Variants in YLPM1 observed in about 807,000 individuals in gnomAD.
YLPM1 encodes the protein YLP motif-containing protein 1.
In YLPM1, 99 loss-of-function variants were observed where a neutral mutation model predicts 230.0. The observed-to-expected ratio is 0.43, with a 90% CI of 0.37 to 0.51. The LOEUF is 0.51. YLPM1 is among the 20% of genes least tolerant of loss of function. The pLI is 0.00. For missense variants in YLPM1, 2,592 were observed against 2,707.7 expected (o/e 0.96, Z 0.95); for synonymous variants, 984 against 942.5 (o/e 1.04, Z -0.81).
intron 14 of YLPM1, 34 bp from the exon 15 acceptor site, chr14:74,817,160 T>C (rs755891275): frequency 1.6e-5 from 25 of 1,594,112 alleles, no homozygotes; most frequent in Non-Finnish European, 1.9e-5. Flanking sequence ...AAATGTTATA[T>C]ATCTTTGCCT....
chr14:74,833,489 G>A (rs1349218745), intron 19 of YLPM1, among the ~76,000 whole-genome samples: 1 of 152,198 alleles, frequency 6.6e-6, no homozygotes, highest in East Asian at 1.9e-4. Flanking sequence ...CTAGGCTGAC[G>A]TGATCTGCCG....
chr14:74,808,210 G>A (rs138395167), intron 6 of YLPM1, among the ~76,000 whole-genome samples: 1 of 152,260 alleles, frequency 6.6e-6, no homozygotes, highest in East Asian at 1.9e-4. Context: ...GCCTTTCTGG[G>A]CATTTTGTAT....
rs1029207812 is a variant in YLPM1 at position 74,798,191 on chromosome 14, T to C, written c.2894T>C (p.Met965Thr). The C allele has an allele frequency of 3.8e-5, 61 of 1,613,800 alleles. No individual in the cohort carries two copies. The highest frequency in any genetic ancestry group is 5.0e-5 in the Non-Finnish European group (59 of 1,179,866). Residue 965 changes from methionine (M) to threonine (T), a missense_variant, in exon 5 of 21, where the codon ATG (methionine) becomes ACG (threonine). Coordinates refer to ENST00000325680, the MANE Select transcript of YLPM1 (RefSeq NM_019589.3). ...ACTTTTCCTTCAAAAACAGGGGGGA[T>C]GGAGGGAGGAACAGCAGTAGCAACA... ...QSTFPSKTGG[M>T]EGGTAVATSS...
intron 18 of YLPM1, among the ~76,000 whole-genome samples, chr14:74,827,003 G>A (rs181332521): frequency 1.1e-4 from 16 of 152,064 alleles, no homozygotes; most frequent in Non-Finnish European, 1.9e-4. Context: ...GTTGTATATT[G>A]GTTTTCTACA....
intron 4 of YLPM1, among the ~76,000 whole-genome samples, chr14:74,788,689 A>G (rs1210158508): frequency 3.3e-5 from 5 of 152,116 alleles, no homozygotes; most frequent in Admixed American, 6.5e-5. Flanking sequence ...ACAAAAAGTA[A>G]AAAATTAGCC....
chr14:74,781,251 G>A (rs1473668544), intron 3 of YLPM1, 83 bp from the exon 4 acceptor site: 3 of 1,402,164 alleles, frequency 2.1e-6, no homozygotes, highest in African/African-American at 1.5e-5. Flanking sequence ...AGCGTCAAAT[G>A]CCCTTGATTC....
At chr14:74,814,908 G>A (rs996059253) in intron 11 of YLPM1, among the ~76,000 whole-genome samples, 3 of 152,166 alleles carry the variant, frequency 2.0e-5, no homozygotes, top group Admixed American at 2.0e-4. Context: ...CTTGTTATAG[G>A]TCTATTCAGA....
intron 4 of YLPM1, among the ~76,000 whole-genome samples, chr14:74,784,173 A>G (rs936676602): frequency 1.3e-5 from 2 of 152,112 alleles, no homozygotes; most frequent in African/African-American, 2.4e-5. Context: ...TGAAACATAC[A>G]TTTCCTGCTC....
chr14:74,814,259 G>T (rs1287783397), intron 11 of YLPM1, among the ~76,000 whole-genome samples: 1 of 152,162 alleles, frequency 6.6e-6, no homozygotes, highest in East Asian at 1.9e-4. Flanking sequence ...TACTCAGGAG[G>T]CTAAGGCAGG....
At chr14:74,809,135 C>T (rs1450543208) in intron 6 of YLPM1, among the ~76,000 whole-genome samples, 1 of 149,952 alleles carries the variant, frequency 6.7e-6, no homozygotes, top group Non-Finnish European at 1.5e-5. Context: ...TTTGTCTTAC[C>T]GAGTTTAAGT....
chr14:74,801,413 G>C (rs1327685781), intron 5 of YLPM1, among the ~76,000 whole-genome samples: 16 of 152,128 alleles, frequency 1.1e-4, no homozygotes, highest in Admixed American at 1.0e-3. Context: ...ATTGTAAAAG[G>C]TCTTAAGAAA....
chr14:74,829,468 TG>T (rs2091591719), intron 19 of YLPM1, 125 bp downstream of exon 19: 1 of 1,341,676 alleles, frequency 7.5e-7, no homozygotes, highest in African/African-American at 1.5e-5. Flanking sequence ...CGCTATGTCA[TG>T]TATCCCAAGA....
At chr14:74,835,742 T>C (rs1276752686) in intron 20 of YLPM1, 33 bp from the exon 21 acceptor site, 8 of 426,378 alleles carry the variant, frequency 1.9e-5, no homozygotes, top group Non-Finnish European at 3.2e-5. Flanking sequence ...GCCTGTTCTT[T>C]CCAGGTGTGA....
At chr14:74,788,605 G>T (rs1354731672) in intron 4 of YLPM1, among the ~76,000 whole-genome samples, 1 of 152,178 alleles carries the variant, frequency 6.6e-6, no homozygotes, top group Non-Finnish European at 1.5e-5. Flanking sequence ...GCCCTTTGCG[G>T]GGCTGAGGCA....
chr14:74,763,987 C>A lies in YLPM1; in HGVS notation c.498C>A (p.Pro166=). 1 of 1,574,928 alleles carries A rather than the reference C, an allele frequency of 6.3e-7. No homozygotes were observed. Among genetic ancestry groups the A allele is most frequent in the South Asian group, 1.1e-5 (1 of 88,616 alleles). The change falls in exon 1 of 21, where the codon CCC becomes CCA. Residue 166 remains proline (P), a synonymous_variant. Coordinates refer to ENST00000325680, the MANE Select transcript of YLPM1 (RefSeq NM_019589.3). The part of the protein sequence containing the change: ...SYMPPSQSYM[P]PPQPPPSYYP... The stretch of plus-strand genomic sequence containing the variant: ...TGCCCCCATCTCAGTCTTACATGCC[C>A]CCACCTCAGCCGCCACCCTCTTACT...
chr14:74,812,725 A>G lies in YLPM1; in HGVS notation c.5445A>G (p.Glu1815=), dbSNP rs1386835606. 5 of 1,613,712 alleles carry G rather than the reference A, an allele frequency of 3.1e-6. No homozygotes were observed. The Admixed American group carries it at 6.7e-5, about 22-fold the overall frequency. Residue 1815 remains glutamate (E), a synonymous_variant, in exon 11 of 21, where the codon GAA becomes GAG. Coordinates refer to ENST00000325680, the MANE Select transcript of YLPM1 (RefSeq NM_019589.3). The stretch of plus-strand genomic sequence containing the variant: ...CTCCACGAGTCGAGAAGAAGCCTGA[A>G]TCAAAGAATGTGGACGATATTTTGA... The part of the protein sequence containing the change: ...PPAPRVEKKP[E]SKNVDDILKP...
At chr14:74,788,094 A>T (rs968726403) in intron 4 of YLPM1, among the ~76,000 whole-genome samples, 2 of 151,440 alleles carry the variant, frequency 1.3e-5, no homozygotes, top group African/African-American at 4.9e-5. Flanking sequence ...ATCTTAAAAG[A>T]TGAAATAATT....
chr14:74,827,959 A>AT, intron 18 of YLPM1: 1 of 983,208 alleles, frequency 1.0e-6, no homozygotes, highest in Non-Finnish European at 1.2e-6. Flanking sequence ...GATGATTAAA[A>AT]TTTTTGTGAG....
chr14:74,816,673 A>G lies in YLPM1; in HGVS notation c.5668A>G (p.Lys1890Glu). Residue 1890 changes from lysine to glutamate, a missense_variant, in exon 13 of 21, where the codon AAG becomes GAG. Physicochemically the swap from Lys to Glu is moderately conservative, Grantham distance 56 (BLOSUM62 1). Coordinates refer to ENST00000325680, the MANE Select transcript of YLPM1 (RefSeq NM_019589.3). ...AGAAGAAAAAGATCCAGATTCTGGAAAGAAAGTGAAAAAGAAGGTATGGTA... is the reference window on the plus strand; with the variant it reads ...AGAAGAAAAAGATCCAGATTCTGGAGAGAAAGTGAAAAAGAAGGTATGGTA... Reference protein sequence around the residue: ...EKEEKDPDSGKKVKKKVMEYE... With the variant: ...EKEEKDPDSGEKVKKKVMEYE... 6.2e-7 allele frequency: 1 copy of G among 1,612,762 alleles called. No homozygotes were observed. Among genetic ancestry groups the G allele is most frequent in the Non-Finnish European group, 8.5e-7 (1 of 1,179,422 alleles).
Sources: gnomAD v4.1 joint callset for allele counts (sites outside exome capture counted in the v4.1 genomes callset) on GRCh38, gnomAD v4.1.1 for gene constraint, MANE v1.5 for transcripts, NCBI Gene and HGNC (gene_info 2026-07-23, HGNC 2026-07-21) for gene names.